TNFSF13B: variants seen among roughly 807,000 people sequenced by gnomAD.
TNFSF13B encodes the protein tumor necrosis factor ligand superfamily member 13B.
A neutral mutation model predicts 29.1 loss-of-function variants in TNFSF13B; 8 were observed. The ratio of observed to expected loss-of-function variants is 0.27; its 90% CI spans 0.16 to 0.50. The LOEUF is 0.50. Ranked by LOEUF, TNFSF13B falls within the 20% of genes least tolerant of loss-of-function variation. The probability of loss-of-function intolerance (pLI) is 0.98; values close to 1 mark genes in which losing one functional copy is unlikely to be tolerated. For missense variants in TNFSF13B, 248 were observed against 334.9 expected, an observed-to-expected ratio of 0.74 and a Z score of 2.03; for synonymous variants, 125 against 130.8, an observed-to-expected ratio of 0.96 and a Z score of 0.30.
At position 108,303,486 on chromosome 13, in the gene TNFSF13B, A is replaced by T; in HGVS notation, c.627A>T (p.Gly209=). 6.2e-7 allele frequency: 1 copy of T among 1,613,528 alleles called. No individual in the cohort carries two copies. ...ATACTGATAAGACCTACGCCATGGG[A>T]CATCTAATTCAGAGGAAGAAGGTCC... ...VLYTDKTYAM[G]HLIQRKKVHV... Residue 209 remains glycine, a synonymous_variant, in exon 5 of 6, where the codon GGA becomes GGT. Transcript: ENST00000375887.
At chr13:108,280,114 A>G (rs952774299) in intron 2 of TNFSF13B, among the ~76,000 whole-genome samples, 4 of 143,852 alleles carry the variant, frequency 2.8e-5, no homozygotes, top group Non-Finnish European at 3.0e-5. Context: ...CACCTGACGT[A>G]GATTAAGTCC....
chr13:108,275,166 T>A (rs1880730523), intron 2 of TNFSF13B, among the ~76,000 whole-genome samples: 1 of 152,138 alleles, frequency 6.6e-6, no homozygotes. Context: ...TAACTGTGTT[T>A]GGAGATATTC....
At chr13:108,276,994 A>G (rs1261184061) in intron 2 of TNFSF13B, among the ~76,000 whole-genome samples, 1 of 152,132 alleles carries the variant, frequency 6.6e-6, no homozygotes, top group Non-Finnish European at 1.5e-5. Flanking sequence ...AGAGTTAGAG[A>G]AACAGAAGGT....
Position 108,269,976 on chromosome 13 carries a change from T to C in TNFSF13B, c.81T>C (p.Cys27=), listed in dbSNP as rs1214428374. Residue 27 remains cysteine (C), a synonymous_variant, in exon 1 of 6, where the codon TGT becomes TGC. Coordinates refer to ENST00000375887, the MANE Select transcript of TNFSF13B (RefSeq NM_006573.5). ...KKREEMKLKE[C]VSILPRKESP... ...GAGAAGAAATGAAACTGAAGGAGTG[T>C]GTTTCCATCCTCCCACGGAAGGAAA... 3.1e-6 allele frequency: 5 copies of C among 1,613,584 alleles called. No individual in the cohort carries two copies. In the African/African-American group the frequency reaches 6.7e-5, roughly 22 times the overall value.
At chr13:108,280,474 G>A (rs1207285906) in intron 2 of TNFSF13B, among the ~76,000 whole-genome samples, 1 of 151,952 alleles carries the variant, frequency 6.6e-6, no homozygotes, top group African/African-American at 2.4e-5. Context: ...TTCTATTTTT[G>A]GCTTTATCTT....
At chr13:108,275,142 C>A (rs769369880) in intron 2 of TNFSF13B, among the ~76,000 whole-genome samples, 4 of 152,090 alleles carry the variant, frequency 2.6e-5, no homozygotes, top group African/African-American at 4.8e-5. Context: ...GCCAAAAATT[C>A]ACTTTTAAGC....
chr13:108,270,950 T>TACACACACACACACACACACAC (rs138902471), intron 2 of TNFSF13B, among the ~76,000 whole-genome samples: 1 of 150,474 alleles, frequency 6.6e-6, no homozygotes, highest in African/African-American at 2.4e-5. Flanking sequence ...AAGGTTATTT[T>TACACACACACACACACACACAC]ACACACACAC....
In TNFSF13B at chr13:108,295,843, T is replaced by G. The variant is rs140935403; in HGVS notation, c.482-7410T>G. On this transcript the variant is annotated intron_variant, in intron 3 of 5. Coordinates refer to ENST00000375887, the MANE Select transcript of TNFSF13B (RefSeq NM_006573.5). ...TTCACTTATTTGTGAGTTTTCCAAT[T>G]TTCCTTATGTTATTGAAGGTAGCTA... Among the ~76,000 whole-genome samples the G allele has an allele frequency of 7.9e-3, 1,161 of 146,156 alleles. 177 individuals are homozygous for G. Among genetic ancestry groups the G allele is most frequent in the African/African-American group, 0.028 (1,104 of 38,978 alleles).
chr13:108,275,577 T>C (rs1880740799), intron 2 of TNFSF13B, among the ~76,000 whole-genome samples: 1 of 152,124 alleles, frequency 6.6e-6, no homozygotes, highest in African/African-American at 2.4e-5. Flanking sequence ...GAAAAAATTG[T>C]CCGTATTTCA....
At position 108,298,832 on chromosome 13, in the gene TNFSF13B, G is replaced by A. The variant is rs1420219225; in HGVS notation, c.482-4421G>A. On this transcript the variant is annotated intron_variant, in intron 3 of 5. Coordinates refer to ENST00000375887, the MANE Select transcript of TNFSF13B (RefSeq NM_006573.5). ...CTAAAAATACAAAACTTAGCCCGGC[G>A]TAGTGGCACTTGCCTGTAGTCGCAG... Among the ~76,000 whole-genome samples the A allele has an allele frequency of 4.8e-5, 7 of 145,194 alleles. 3 individuals carry two copies. The highest frequency in any genetic ancestry group is 1.6e-4 in the African/African-American group (6 of 38,554).
intron 2 of TNFSF13B, among the ~76,000 whole-genome samples, chr13:108,286,468 A>G (rs1227342953): frequency 6.6e-6 from 1 of 152,158 alleles, no homozygotes; most frequent in Non-Finnish European, 1.5e-5. Flanking sequence ...TTATAAGGTT[A>G]ACTGTTTCAT....
At chr13:108,303,191 A>G in intron 3 of TNFSF13B, 62 bp from the exon 4 acceptor site, 1 of 1,083,870 alleles carries the variant, frequency 9.2e-7, no homozygotes, top group Non-Finnish European at 1.4e-6. Flanking sequence ...CTTAACAACT[A>G]AATGGAGGTG....
intron 5 of TNFSF13B, among the ~76,000 whole-genome samples, chr13:108,305,151 A>G (rs1049412491): frequency 5.3e-5 from 8 of 152,152 alleles, no homozygotes; most frequent in Non-Finnish European, 8.8e-5. Context: ...TTACTGTTGT[A>G]TATGAGTACC....
chr13:108,293,482 A>G (rs996823298), intron 3 of TNFSF13B, among the ~76,000 whole-genome samples: 3 of 152,202 alleles, frequency 2.0e-5, no homozygotes, highest in Non-Finnish European at 4.4e-5. Flanking sequence ...TGAAATTTGT[A>G]TATGGATTAG....
chr13:108,298,609 T>G (rs1881519293), intron 3 of TNFSF13B, among the ~76,000 whole-genome samples: 1 of 145,592 alleles, frequency 6.9e-6, no homozygotes, highest in East Asian at 1.9e-4. Flanking sequence ...TTGGCATTTC[T>G]GTGTCTTTTG....
At chr13:108,304,043 G>T (rs774526732) in intron 5 of TNFSF13B, among the ~76,000 whole-genome samples, 1 of 152,052 alleles carries the variant, frequency 6.6e-6, no homozygotes, top group East Asian at 1.9e-4. Context: ...TTTAATCTTC[G>T]CATTTAAGGG....
chr13:108,285,297 A>G (rs1881094059), intron 2 of TNFSF13B, among the ~76,000 whole-genome samples: 1 of 152,190 alleles, frequency 6.6e-6, no homozygotes, highest in South Asian at 2.1e-4. Context: ...AGCTACTGCT[A>G]TGTTATTTCA....
At position 108,303,552 on chromosome 13, in the gene TNFSF13B, A is replaced by C; in HGVS notation, c.693A>C (p.Arg231=). 6.2e-7 allele frequency: 1 copy of C among 1,613,716 alleles called. No homozygotes were observed. The highest frequency in any genetic ancestry group is 8.5e-7 in the Non-Finnish European group (1 of 1,179,760). Reference sequence around the variant, plus strand: ...AATTGAGTCTGGTGACTTTGTTTCGATGTATTCAAAATATGCCTGAAACAC... The same window carrying C: ...AATTGAGTCTGGTGACTTTGTTTCGCTGTATTCAAAATATGCCTGAAACAC... ...GDELSLVTLF[R]CIQNMPETLP... is the part of the protein sequence containing the mutation. The change falls in exon 5 of 6, where the codon CGA becomes CGC. Residue 231 remains arginine (R), a synonymous_variant. Transcript: ENST00000375887.
intron 2 of TNFSF13B, among the ~76,000 whole-genome samples, chr13:108,271,457 C>CACACACACACACACACACAA (rs1880611788): frequency 1.4e-5 from 2 of 144,490 alleles, no homozygotes; most frequent in African/African-American, 5.4e-5. Flanking sequence ...CACACACACA[C>CACACACACACACACACACAA]ACACACACAC....
Sources: allele counts gnomAD v4.1 joint callset (sites outside exome capture counted in the v4.1 genomes callset), GRCh38; gene constraint gnomAD v4.1.1; transcripts MANE v1.5; gene names NCBI Gene and HGNC (gene_info 2026-07-23, HGNC 2026-07-21).